The following CFAP20DC variants were observed in gnomAD, a reference collection of about 807,000 sequenced individuals.
CFAP20DC encodes CFAP20 domain containing.
A neutral mutation model predicts 101.7 loss-of-function variants in CFAP20DC; 84 were observed. The observed-to-expected ratio is 0.83, with a 90% CI of 0.69 to 0.99. The LOEUF is 0.99. Among genes scored for constraint, CFAP20DC ranks in the 50% least tolerant of loss-of-function variants. The probability of loss-of-function intolerance (pLI) is 0.00; values close to 1 mark genes in which losing one functional copy is unlikely to be tolerated. For synonymous variants in CFAP20DC, 359 were observed against 351.2 expected (o/e 1.02, Z -0.25); for missense variants, 1,007 against 970.3 (o/e 1.04, Z -0.50).
intron 4 of CFAP20DC, among the ~76,000 whole-genome samples, chr3:58,948,913 T>C (rs1435772449): frequency 6.6e-6 from 1 of 152,228 alleles, no homozygotes; most frequent in Non-Finnish European, 1.5e-5. Context: ...TGAATCCTTC[T>C]GGTCCTGGAC....
At position 58,913,930 on chromosome 3, in the gene CFAP20DC, A is replaced by G; in HGVS notation, c.394-66T>C. On this transcript the variant is annotated intron_variant, in intron 5 of 16. Transcript: ENST00000482387. The surrounding 1 kb of genome is among the most constrained non-coding windows in gnomAD (Gnocchi z 4.4). Reference sequence around the variant, plus strand: ...CAACACATAAATGAACAAACCATCTATATGTAGACATTCAAAGAGTTGAGG... The same window carrying G: ...CAACACATAAATGAACAAACCATCTGTATGTAGACATTCAAAGAGTTGAGG... 8 of 1,522,468 alleles carry G rather than the reference A, an allele frequency of 5.3e-6. No homozygotes were observed. In the South Asian group the frequency reaches 6.9e-5, roughly 13 times the overall value. 94.3% of individuals were successfully genotyped at this position (1,522,468 alleles called of 1,614,324 possible).
At chr3:58,794,074 C>T (rs17059841) in intron 15 of CFAP20DC, 4,638 of 217,056 alleles carry the variant, frequency 0.021, 213 homozygotes, top group African/African-American at 0.095. Context: ...ACATTATCTA[C>T]AAATCGCCAT....
intron 4 of CFAP20DC, among the ~76,000 whole-genome samples, chr3:58,959,395 A>T (rs2090938815): frequency 6.6e-6 from 1 of 152,210 alleles, no homozygotes; most frequent in Non-Finnish European, 1.5e-5. Context: ...CGTCTGGCCA[A>T]AGTCTTATAT....
intron 4 of CFAP20DC, among the ~76,000 whole-genome samples, chr3:58,987,214 G>A (rs2092782662): frequency 1.3e-5 from 2 of 152,010 alleles, no homozygotes; most frequent in Admixed American, 1.3e-4. Flanking sequence ...TGTGTTATAA[G>A]AGAATGAGCT....
chr3:59,043,743 T>A (rs946432592), intron 3 of CFAP20DC, among the ~76,000 whole-genome samples: 9 of 152,160 alleles, frequency 5.9e-5, no homozygotes, highest in African/African-American at 2.2e-4. Context: ...CTGCTCCTCA[T>A]ATGGGCAACT....
Position 58,817,573 on chromosome 3 carries a change from G to A in CFAP20DC, c.2176-11117C>T, listed in dbSNP as rs530108751. 1.9e-3 allele frequency among the ~76,000 whole-genome samples: 269 copies of A among 144,390 alleles called. 3 individuals carry two copies. The highest frequency in any genetic ancestry group is 6.7e-3 in the African/African-American group (260 of 38,610). The allele number at this position is 144,390 out of a possible 152,430, so 94.7% of individuals were successfully genotyped here. On this transcript the variant is annotated intron_variant, in intron 14 of 16. Coordinates refer to ENST00000482387, the MANE Select transcript of CFAP20DC (RefSeq NM_001394063.1). ...AGATGAAATGAATGAAATGAAGCGA[G>A]AAGGGAAGTTTAGAGAAAAAAGAAT...
At chr3:58,952,302 C>G (rs1025177157) in intron 4 of CFAP20DC, among the ~76,000 whole-genome samples, 3 of 152,146 alleles carry the variant, frequency 2.0e-5, no homozygotes, top group Non-Finnish European at 4.4e-5. Flanking sequence ...TTTTAAATTG[C>G]ATGCTGCTCT....
At chr3:58,783,230 CAGA>C (rs2072001023) in intron 15 of CFAP20DC, among the ~76,000 whole-genome samples, 2 of 151,830 alleles carry the variant, frequency 1.3e-5, no homozygotes, top group Non-Finnish European at 2.9e-5. Context: ...TATCCATATG[CAGA>C]AGAATAAAAC....
intron 4 of CFAP20DC, among the ~76,000 whole-genome samples, chr3:58,956,836 A>G (rs1042911467): frequency 1.3e-5 from 2 of 152,174 alleles, no homozygotes; most frequent in African/African-American, 4.8e-5. Flanking sequence ...GGTAGGAGCA[A>G]GGGGAACAAT....
rs1164615357 is a variant in CFAP20DC, at chr3:59,001,797, G to A, written c.278+37760C>T. 3.3e-5 allele frequency among the ~76,000 whole-genome samples: 5 copies of A among 152,144 alleles called. No homozygotes were observed. Among genetic ancestry groups the A allele is most frequent in the African/African-American group, 1.2e-4 (5 of 41,434 alleles). ...AATTAGCCAGGCAGTAGTCTGATTA[G>A]GGGTGGCCTCAGGGAAGAAAGGGAA... On this transcript the variant is annotated intron_variant, in intron 4 of 16. Transcript: ENST00000482387. The surrounding 1 kb of genome is among the most constrained non-coding windows in gnomAD (Gnocchi z 4.5).
At chr3:58,813,122 T>C (rs556720922) in intron 14 of CFAP20DC, among the ~76,000 whole-genome samples, 1 of 151,964 alleles carries the variant, frequency 6.6e-6, no homozygotes, top group East Asian at 1.9e-4. Flanking sequence ...TCCCCAAGTG[T>C]ATAACACAAC....
intron 15 of CFAP20DC, among the ~76,000 whole-genome samples, chr3:58,784,758 G>A (rs1433574206): frequency 2.6e-5 from 4 of 152,020 alleles, no homozygotes; most frequent in African/African-American, 4.8e-5. Flanking sequence ...TTCCACAGTC[G>A]CTGAACTAAC....
chr3:58,978,292 C>T (rs762148234), intron 4 of CFAP20DC, among the ~76,000 whole-genome samples: 19 of 152,140 alleles, frequency 1.2e-4, no homozygotes, highest in Non-Finnish European at 2.2e-4. Flanking sequence ...CTTCTTTCTA[C>T]GCGTCAAGAG....
At chr3:58,934,683 T>G (rs1022670041) in intron 5 of CFAP20DC, among the ~76,000 whole-genome samples, 1 of 152,220 alleles carries the variant, frequency 6.6e-6, no homozygotes, top group African/African-American at 2.4e-5. Flanking sequence ...ACATGATTAT[T>G]TCAATAGATG....
intron 16 of CFAP20DC, among the ~76,000 whole-genome samples, chr3:58,748,503 C>A (rs989951047): frequency 6.6e-6 from 1 of 152,100 alleles, no homozygotes; most frequent in Non-Finnish European, 1.5e-5. Context: ...TGATTTCCCC[C>A]GTCTGTAATC....
rs971544856 is a variant in CFAP20DC at position 58,958,139 on chromosome 3, A to C, written c.279-20377T>G. 1.3e-5 allele frequency among the ~76,000 whole-genome samples: 2 copies of C among 151,936 alleles called. 1 individual carries two copies. The highest frequency in any genetic ancestry group is 2.9e-5 in the Non-Finnish European group (2 of 67,974). The stretch of plus-strand genomic sequence containing the variant: ...TATATATGCCTATTATGCACCCACA[A>C]ATTTTTTAAAAATTATTTTTAAAAA... On this transcript the variant is annotated intron_variant, in intron 4 of 16. Coordinates refer to ENST00000482387, the MANE Select transcript of CFAP20DC (RefSeq NM_001394063.1).
At chr3:58,963,644 T>G (rs1253977026) in intron 4 of CFAP20DC, among the ~76,000 whole-genome samples, 1 of 152,168 alleles carries the variant, frequency 6.6e-6, no homozygotes, top group Non-Finnish European at 1.5e-5. Context: ...CCAGAATTTT[T>G]AAGATACTTT....
At chr3:58,808,632 G>A (rs1005808660) in intron 14 of CFAP20DC, among the ~76,000 whole-genome samples, 13 of 152,064 alleles carry the variant, frequency 8.5e-5, no homozygotes, top group African/African-American at 3.1e-4. Context: ...AAAGACCATC[G>A]AGGCTAGGAA....
At chr3:58,767,367 G>C (rs2070415993) in intron 15 of CFAP20DC, among the ~76,000 whole-genome samples, 1 of 151,888 alleles carries the variant, frequency 6.6e-6, no homozygotes, top group South Asian at 2.1e-4. Flanking sequence ...TTCTACCTCA[G>C]GAAGCAGAAT....
Sources: allele counts gnomAD v4.1 joint callset (sites outside exome capture counted in the v4.1 genomes callset), GRCh38; gene constraint gnomAD v4.1.1; non-coding constraint Gnocchi (gnomAD v3.1); transcripts MANE v1.5; gene names NCBI Gene and HGNC (gene_info 2026-07-23, HGNC 2026-07-21).